The following FMN1 variants were observed in gnomAD, a reference collection of about 807,000 sequenced individuals.
The protein encoded by FMN1 is formin 1.
In FMN1, 110 loss-of-function variants were observed where a neutral mutation model predicts 132.4. The ratio of observed to expected loss-of-function variants is 0.83; its 90% CI spans 0.71 to 0.97. FMN1 has a LOEUF of 0.97. FMN1 is among the 50% of genes least tolerant of loss of function. The pLI is 0.00. For missense variants in FMN1, 1,792 were observed against 1,705.3 expected (o/e 1.05, Z -0.90); for synonymous variants, 722 against 651.7 (o/e 1.11, Z -1.64).
At chr15:33,168,538 G>GA (rs1303892043) in intron 3 of FMN1, among the ~76,000 whole-genome samples, 4 of 152,192 alleles carry the variant, frequency 2.6e-5, no homozygotes, top group Non-Finnish European at 4.4e-5. Flanking sequence ...ATACCCCAGA[G>GA]AGAGTGACAA....
intron 16 of FMN1, among the ~76,000 whole-genome samples, chr15:32,884,197 T>C (rs1222471053): frequency 1.3e-5 from 2 of 152,114 alleles, no homozygotes; most frequent in Admixed American, 1.3e-4. Flanking sequence ...CACCTTTTAG[T>C]TCTATATGTT....
At chr15:32,970,335 TC>T (rs2031673478) in intron 7 of FMN1, among the ~76,000 whole-genome samples, 1 of 152,218 alleles carries the variant, frequency 6.6e-6, no homozygotes, top group South Asian at 2.1e-4. Flanking sequence ...ATTAGAGTTT[TC>T]AAAATCCAGT....
chr15:33,023,508 C>A (rs1596493270), intron 6 of FMN1, among the ~76,000 whole-genome samples: 2 of 151,930 alleles, frequency 1.3e-5, no homozygotes. Flanking sequence ...AGACAAGAAA[C>A]AATAGTAGGT....
At chr15:33,175,328 C>T (rs1051759396) in intron 3 of FMN1, among the ~76,000 whole-genome samples, 71 of 152,158 alleles carry the variant, frequency 4.7e-4, no homozygotes, top group Non-Finnish European at 1.2e-4. Flanking sequence ...CTTGGCCTCC[C>T]AAAGTGCTAG....
At chr15:33,130,959 T>A (rs986668772) in intron 4 of FMN1, among the ~76,000 whole-genome samples, 2 of 152,196 alleles carry the variant, frequency 1.3e-5, no homozygotes, top group African/African-American at 4.8e-5. Flanking sequence ...GAGCAAACAA[T>A]ACTTGTGATG....
intron 4 of FMN1, among the ~76,000 whole-genome samples, chr15:33,118,434 C>A (rs61533414): frequency 0.023 from 3,438 of 152,128 alleles, 126 homozygotes; most frequent in African/African-American, 0.079. Context: ...CAAATAAGCA[C>A]CAGCAAACAG....
intron 4 of FMN1, among the ~76,000 whole-genome samples, chr15:33,147,453 C>T (rs2140268296): frequency 6.6e-6 from 1 of 152,296 alleles, no homozygotes; most frequent in Admixed American, 6.5e-5. Flanking sequence ...TTCTACACAT[C>T]TTTGGAATTA....
At chr15:33,185,496 T>C (rs2140350945) in intron 2 of FMN1, among the ~76,000 whole-genome samples, 1 of 152,088 alleles carries the variant, frequency 6.6e-6, no homozygotes, top group African/African-American at 2.4e-5. Context: ...AGTAAATTTT[T>C]GTTTCCTTTA....
At chr15:33,136,600 T>C (rs552643172) in intron 4 of FMN1, among the ~76,000 whole-genome samples, 1 of 152,326 alleles carries the variant, frequency 6.6e-6, no homozygotes, top group African/African-American at 2.4e-5. Context: ...GTAATGGCTC[T>C]ACAGGGTTTG....
chr15:32,795,440 A>G (rs79485793), intron 19 of FMN1, among the ~76,000 whole-genome samples: 5,218 of 152,242 alleles, frequency 0.034, 204 homozygotes, highest in African/African-American at 0.087. Context: ...TTAGAACCGC[A>G]GTTTCTAGAT....
chr15:33,111,294 G>A (rs967627960), intron 4 of FMN1, among the ~76,000 whole-genome samples: 1 of 152,126 alleles, frequency 6.6e-6, no homozygotes, highest in East Asian at 1.9e-4. Context: ...CCACTTCACT[G>A]GGATGGCTAT....
chr15:32,903,095 G>A (rs764359149), intron 12 of FMN1, among the ~76,000 whole-genome samples: 6 of 152,068 alleles, frequency 3.9e-5, no homozygotes, highest in Non-Finnish European at 7.4e-5. Flanking sequence ...CTACCTTTAG[G>A]GAGATTTGGG....
At chr15:32,929,088 T>C (rs937109500) in intron 9 of FMN1, among the ~76,000 whole-genome samples, 2 of 152,232 alleles carry the variant, frequency 1.3e-5, no homozygotes, top group Non-Finnish European at 2.9e-5. Context: ...TTGCTGAGTG[T>C]TACCTTTACT....
chr15:33,098,650 T>C (rs1036537901), intron 4 of FMN1, among the ~76,000 whole-genome samples: 1 of 152,178 alleles, frequency 6.6e-6, no homozygotes, highest in Admixed American at 6.5e-5. Context: ...CCAATGATTA[T>C]GAGACAGCGG....
intron 5 of FMN1, among the ~76,000 whole-genome samples, chr15:33,069,497 G>A (rs2141269815): frequency 6.6e-6 from 1 of 152,326 alleles, no homozygotes; most frequent in African/African-American, 2.4e-5. Context: ...TCTGCAAAAT[G>A]GAAATGGTAG....
At chr15:32,982,873 C>T (rs2032787916) in intron 7 of FMN1, among the ~76,000 whole-genome samples, 1 of 152,114 alleles carries the variant, frequency 6.6e-6, no homozygotes, top group African/African-American at 2.4e-5. Context: ...CAGACCACAG[C>T]TATACTGTCG....
chr15:32,912,503 G>A (rs1474577079), intron 10 of FMN1, among the ~76,000 whole-genome samples: 3 of 152,154 alleles, frequency 2.0e-5, no homozygotes, highest in Non-Finnish European at 4.4e-5. Context: ...ATCCCAGTCT[G>A]GGGACAGAAA....
chr15:32,846,104 A>G (rs564069143), intron 17 of FMN1, among the ~76,000 whole-genome samples: 1 of 152,196 alleles, frequency 6.6e-6, no homozygotes, highest in Non-Finnish European at 1.5e-5. Flanking sequence ...AAAACACAAC[A>G]TTTTATTGTG....
intron 6 of FMN1, among the ~76,000 whole-genome samples, chr15:33,014,933 G>A (rs1468641332): frequency 2.0e-5 from 3 of 152,106 alleles, no homozygotes; most frequent in African/African-American, 4.8e-5. Flanking sequence ...CATTATTGAG[G>A]GTTATTTTTC....
Sources: allele counts gnomAD v4.1 joint callset (sites outside exome capture counted in the v4.1 genomes callset), GRCh38; gene constraint gnomAD v4.1.1; transcripts MANE v1.5; gene names NCBI Gene and HGNC (gene_info 2026-07-23, HGNC 2026-07-21).